Variants in DNMBP observed in about 807,000 individuals in gnomAD.
DNMBP encodes the protein dynamin-binding protein.
Under a neutral mutation model 150.0 loss-of-function variants are expected in DNMBP, and 87 were observed. That is an observed-to-expected ratio of 0.58 (90% CI 0.49 to 0.69). DNMBP has a LOEUF of 0.69. Among genes scored for constraint, DNMBP ranks in the 30% least tolerant of loss-of-function variants. The probability of loss-of-function intolerance (pLI) is 0.00; values close to 1 mark genes in which losing one functional copy is unlikely to be tolerated. For synonymous variants in DNMBP, 711 were observed against 750.4 expected (o/e 0.95, Z 0.86); for missense variants, 1,774 against 1,949.0 (o/e 0.91, Z 1.69).
intron 11 of DNMBP, among the ~76,000 whole-genome samples, 198 bp downstream of exon 11, chr10:99,894,748 G>A (rs990183397): frequency 6.6e-6 from 1 of 152,212 alleles, no homozygotes; most frequent in African/African-American, 2.4e-5. Context: ...GGGCTGCTTT[G>A]AAATGAATGT....
chr10:99,899,892 T>C, intron 7 of DNMBP, 27 bp downstream of exon 7: 3 of 1,613,732 alleles, frequency 1.9e-6, no homozygotes, highest in South Asian at 2.2e-5. Context: ...AGAGCTGTAA[T>C]GGAAGTTAAG....
intron 2 of DNMBP, among the ~76,000 whole-genome samples, chr10:99,970,796 C>T (rs545916064): frequency 1.3e-5 from 2 of 151,370 alleles, no homozygotes; most frequent in South Asian, 2.1e-4. Flanking sequence ...CATGGTGAAA[C>T]CCCGTCTCTA....
chr10:99,976,155 A>T (rs2040725638), intron 1 of DNMBP, among the ~76,000 whole-genome samples: 1 of 152,238 alleles, frequency 6.6e-6, no homozygotes, highest in Non-Finnish European at 1.5e-5. Context: ...TCATTATTAC[A>T]AAGCATCATT....
intron 14 of DNMBP, among the ~76,000 whole-genome samples, 161 bp downstream of exon 14, chr10:99,885,526 T>A (rs1425019488): frequency 6.7e-6 from 1 of 149,730 alleles, no homozygotes; most frequent in Non-Finnish European, 1.5e-5. Context: ...AAAAAAAAAA[T>A]GGCGAATGCA....
At chr10:99,909,213 G>T in intron 4 of DNMBP, 67 bp from the exon 5 acceptor site, 1 of 1,337,280 alleles carries the variant, frequency 7.5e-7, no homozygotes, top group Non-Finnish European at 1.0e-6. Flanking sequence ...ACAGTTTGAG[G>T]CAAACAGAAC....
chr10:99,884,313 A>T, intron 14 of DNMBP, 104 bp from the exon 15 acceptor site: 16 of 989,082 alleles, frequency 1.6e-5, no homozygotes, highest in Non-Finnish European at 2.3e-5. Flanking sequence ...AGGGACAGTC[A>T]GTCACTGCCC....
chr10:99,893,309 T>C (rs930147828), intron 11 of DNMBP, among the ~76,000 whole-genome samples: 8 of 152,232 alleles, frequency 5.3e-5, no homozygotes, highest in Non-Finnish European at 1.0e-4. Context: ...GAAAATGATG[T>C]ATCCACAAGG....
chr10:99,966,020 C>T (rs2040615833), intron 3 of DNMBP, among the ~76,000 whole-genome samples: 2 of 152,220 alleles, frequency 1.3e-5, no homozygotes, highest in African/African-American at 4.8e-5. Flanking sequence ...TTGTTTCCCA[C>T]CAGTAAATAC....
intron 11 of DNMBP, among the ~76,000 whole-genome samples, chr10:99,891,731 C>T (rs1590215173): frequency 6.9e-6 from 1 of 145,084 alleles, no homozygotes; most frequent in Admixed American, 6.7e-5. Context: ...AAGTGAGGAG[C>T]ACCTCTTCCC....
intron 4 of DNMBP, among the ~76,000 whole-genome samples, chr10:99,913,534 C>T (rs1197167268): frequency 2.0e-5 from 3 of 152,092 alleles, no homozygotes; most frequent in Non-Finnish European, 4.4e-5. Context: ...TACTTTCTTC[C>T]TAGGATAGCC....
At chr10:99,984,570 G>C (rs1346981533) in intron 1 of DNMBP, among the ~76,000 whole-genome samples, 1 of 152,180 alleles carries the variant, frequency 6.6e-6, no homozygotes. Flanking sequence ...GTTTCCAGAA[G>C]ACACTAAGAA....
intron 1 of DNMBP, among the ~76,000 whole-genome samples, chr10:99,977,873 T>C (rs561489204): frequency 6.6e-6 from 1 of 152,266 alleles, no homozygotes; most frequent in African/African-American, 2.4e-5. Context: ...AACCATCTCT[T>C]CCCCAAAAAT....
chr10:99,960,942 A>C (rs557434040), intron 3 of DNMBP, among the ~76,000 whole-genome samples: 4 of 151,972 alleles, frequency 2.6e-5, no homozygotes, highest in South Asian at 2.1e-4. Flanking sequence ...GGACCACTGC[A>C]CTCCAGCCTG....
At chr10:99,930,915 G>C in intron 4 of DNMBP, 2 of 541,408 alleles carry the variant, frequency 3.7e-6, no homozygotes, top group Non-Finnish European at 6.5e-6. Context: ...TCTAGTCGGA[G>C]CGCAGTGAGA....
intron 1 of DNMBP, among the ~76,000 whole-genome samples, chr10:99,998,438 G>A (rs2040975260): frequency 6.6e-6 from 1 of 151,770 alleles, no homozygotes; most frequent in African/African-American, 2.4e-5. Context: ...ACATTAGCCG[G>A]GTATAGTGGC....
At chr10:100,009,168 T>TAA (rs1476934800) in intron 1 of DNMBP, among the ~76,000 whole-genome samples, 1 of 152,228 alleles carries the variant, frequency 6.6e-6, no homozygotes, top group Non-Finnish European at 1.5e-5. Context: ...CACTTAAAAT[T>TAA]TAAGTCTATA....
At chr10:99,906,662 G>A (rs1230009778) in intron 6 of DNMBP, among the ~76,000 whole-genome samples, 1 of 152,150 alleles carries the variant, frequency 6.6e-6, no homozygotes, top group Non-Finnish European at 1.5e-5. Flanking sequence ...AGCCCAGGGA[G>A]AGGCTCACGT....
At chr10:99,960,469 T>G (rs552998385) in intron 3 of DNMBP, among the ~76,000 whole-genome samples, 1 of 152,076 alleles carries the variant, frequency 6.6e-6, no homozygotes, top group Non-Finnish European at 1.5e-5. Flanking sequence ...ATTGGAAAAC[T>G]GGGTTATCTT....
chr10:99,942,283 A>C (rs1261302525), intron 4 of DNMBP, among the ~76,000 whole-genome samples: 1 of 152,132 alleles, frequency 6.6e-6, no homozygotes, highest in Non-Finnish European at 1.5e-5. Context: ...AAAAAAATAT[A>C]CTTAGAGTTT....
Sources: allele counts gnomAD v4.1 joint callset (sites outside exome capture counted in the v4.1 genomes callset), GRCh38; gene constraint gnomAD v4.1.1; transcripts MANE v1.5; gene names NCBI Gene and HGNC (gene_info 2026-07-23, HGNC 2026-07-21).